Variants in DNAH8 observed in about 807,000 individuals in gnomAD.
The protein encoded by DNAH8 is dynein axonemal heavy chain 8.
Under a neutral mutation model 562.1 loss-of-function variants are expected in DNAH8, and 382 were observed. That is an observed-to-expected ratio of 0.68 (90% CI 0.63 to 0.74). The LOEUF (loss-of-function observed/expected upper bound fraction) is 0.74, where lower values mean the gene tolerates loss of function less well. Ranked by LOEUF, DNAH8 falls within the 30% of genes least tolerant of loss-of-function variation. The pLI is 0.00. For missense variants in DNAH8, 5,203 were observed against 5,620.4 expected, an observed-to-expected ratio of 0.93 and a Z score of 2.37; for synonymous variants, 1,881 against 1,919.4, an observed-to-expected ratio of 0.98 and a Z score of 0.52.
At chr6:38,990,974 C>G (rs1047364166) in intron 88 of DNAH8, among the ~76,000 whole-genome samples, 1 of 152,220 alleles carries the variant, frequency 6.6e-6, no homozygotes, top group African/African-American at 2.4e-5. Context: ...AACCAAGACT[C>G]CTCTGGCAGA....
chr6:39,024,929 T>C (rs2281341), intron 91 of DNAH8, among the ~76,000 whole-genome samples: 24,699 of 152,268 alleles, frequency 0.16, 2,111 homozygotes, highest in South Asian at 0.23. Flanking sequence ...TTTGGGTTAA[T>C]GCAAAGGCCC....
Position 38,832,864 on chromosome 6 carries a change from G to A in DNAH8, c.4302+429G>A, listed in dbSNP as rs988552097. Among the ~76,000 whole-genome samples, 13 of 151,836 alleles carry A rather than the reference G, an allele frequency of 8.6e-5. 1 individual carries two copies. Among genetic ancestry groups the A allele is most frequent in the African/African-American group, 3.1e-4 (13 of 41,322 alleles). On this transcript the variant is annotated intron_variant, in intron 31 of 92. Coordinates refer to ENST00000327475, the MANE Select transcript of DNAH8 (RefSeq NM_001206927.2). ...AAAACAGATTTTACTGTTAAAAGGA[G>A]CAACAACTTTGGAGATTGTGGAAGG...
At chr6:38,893,821 G>C (rs377209590) in intron 58 of DNAH8, among the ~76,000 whole-genome samples, 7 of 152,272 alleles carry the variant, frequency 4.6e-5, no homozygotes, top group South Asian at 4.1e-4. Context: ...TGAAATAGGC[G>C]TATGGGGTGT....
At chr6:38,725,864 GCCAA>G (rs1190665558) in intron 3 of DNAH8, among the ~76,000 whole-genome samples, 1 of 152,182 alleles carries the variant, frequency 6.6e-6, no homozygotes, top group Non-Finnish European at 1.5e-5. Context: ...TGTGGACAAT[GCCAA>G]CCAAATAGTA....
At chr6:38,780,194 C>T in intron 15 of DNAH8, 129 bp downstream of exon 15, 1 of 883,950 alleles carries the variant, frequency 1.1e-6, no homozygotes, top group South Asian at 1.7e-5. Context: ...AGCATTGACG[C>T]TCCCTTCTGT....
At chr6:38,850,155 C>T in intron 37 of DNAH8, 96 bp from the exon 38 acceptor site, 1 of 1,151,726 alleles carries the variant, frequency 8.7e-7, no homozygotes, top group Non-Finnish European at 1.2e-6. Flanking sequence ...CTAATAGAGG[C>T]TGGTTTGAAG....
At chr6:38,792,177 T>C (rs901926165) in intron 21 of DNAH8, among the ~76,000 whole-genome samples, 1 of 152,106 alleles carries the variant, frequency 6.6e-6, no homozygotes, top group Admixed American at 6.6e-5. Flanking sequence ...AACCTCTGCC[T>C]CCCGGGTTCA....
intron 92 of DNAH8, among the ~76,000 whole-genome samples, chr6:39,028,275 A>G (rs1042745785): frequency 1.3e-5 from 2 of 152,230 alleles, no homozygotes; most frequent in Non-Finnish European, 2.9e-5. Flanking sequence ...ATAACAAAGT[A>G]TCATTACCTT....
At chr6:38,775,658 G>T (rs1360782567) in intron 12 of DNAH8, 96 bp from the exon 13 acceptor site, 2 of 752,292 alleles carry the variant, frequency 2.7e-6, no homozygotes, top group East Asian at 2.7e-5. Flanking sequence ...CTGTTTAATG[G>T]TTTGTGTTTT....
intron 74 of DNAH8, 66 bp from the exon 75 acceptor site, chr6:38,929,445 C>A (rs951206032): frequency 7.1e-7 from 1 of 1,410,342 alleles, no homozygotes; most frequent in Non-Finnish European, 9.4e-7. Flanking sequence ...ACAAATCTCT[C>A]GGTTTCCCTT....
chr6:38,838,739 C>T (rs1263588859), intron 33 of DNAH8, among the ~76,000 whole-genome samples: 1 of 152,160 alleles, frequency 6.6e-6, no homozygotes, highest in Admixed American at 6.5e-5. Flanking sequence ...AATGCTCTTC[C>T]CCATTGGGTA....
rs141248253 is a variant in DNAH8 at position 39,009,394 on chromosome 6, AG to A, written c.13371+426del. 1.4e-3 allele frequency among the ~76,000 whole-genome samples: 209 copies of A among 152,224 alleles called. 1 individual carries two copies. Among genetic ancestry groups the A allele is most frequent in the African/African-American group, 4.9e-3 (202 of 41,546 alleles). ...AAGACGTTCCAAGTGTTTTAACTGT[AG>A]GTAGATGATCCACCCATCTATTCCA... On this transcript the variant is annotated intron_variant, in intron 89 of 92. Coordinates refer to ENST00000327475, the MANE Select transcript of DNAH8 (RefSeq NM_001206927.2).
At chr6:38,978,751 A>G (rs925529411) in intron 85 of DNAH8, among the ~76,000 whole-genome samples, 2 of 152,250 alleles carry the variant, frequency 1.3e-5, no homozygotes, top group African/African-American at 4.8e-5. Context: ...CTCTGACATC[A>G]TTAAAATGAT....
At chr6:38,865,863 C>T (rs1299970126) in intron 45 of DNAH8, among the ~76,000 whole-genome samples, 4 of 152,182 alleles carry the variant, frequency 2.6e-5, no homozygotes, top group Non-Finnish European at 5.9e-5. Context: ...ATTGACAGTG[C>T]CCAGTAAATG....
Position 38,723,140 on chromosome 6 carries a change from A to G in DNAH8, c.331A>G (p.Arg111Gly), listed in dbSNP as rs1485920182. 2 of 1,612,742 alleles carry G rather than the reference A, an allele frequency of 1.2e-6. No homozygotes were observed. The highest frequency in any genetic ancestry group is 1.1e-5 in the South Asian group (1 of 91,086). Reference sequence around the variant, plus strand: ...CTTGCCGTCTTCCCGGAGGTCCTCCAGATACCGCCGGAGTATGAGTGGCCT... The same window carrying G: ...CTTGCCGTCTTCCCGGAGGTCCTCCGGATACCGCCGGAGTATGAGTGGCCT... ...LSLPSSRRSS[R>G]YRRSMSGLPN... The change falls in exon 2 of 93, where the codon AGA (arginine) becomes GGA (glycine). Residue 111 changes from arginine to glycine, a missense_variant. By Grantham distance (125) the Arg-to-Gly change is moderately radical. Transcript: ENST00000327475.
At position 38,791,538 on chromosome 6, in the gene DNAH8, ATTTTTCTTC is replaced by A. The variant is rs1454636500; in HGVS notation, c.2782-16_2782-8del. ...GGAAAGAAGAGTTTTTTTTTCTTACATTTTTCTTCCTTGTAGATCAGTGACTTGTGTGAA... is the reference window on the plus strand; with the variant it reads ...GGAAAGAAGAGTTTTTTTTTCTTACACTTGTAGATCAGTGACTTGTGTGAA... On this transcript the variant is annotated splice_polypyrimidine_tract_variant and splice_region_variant and intron_variant, in intron 20 of 92. Transcript: ENST00000327475. 1 of 1,591,628 alleles carries A rather than the reference ATTTTTCTTC, an allele frequency of 6.3e-7. No individual in the cohort carries two copies. Among genetic ancestry groups the A allele is most frequent in the Non-Finnish European group, 8.5e-7 (1 of 1,173,904 alleles).
chr6:38,715,948 A>ATTTTTTTTT (rs1282494098), intron 1 of DNAH8, among the ~76,000 whole-genome samples: 1 of 28,220 alleles, frequency 3.5e-5, no homozygotes. Flanking sequence ...ATATATATAT[A>ATTTTTTTTT]TATATATATA....
At chr6:38,864,251 A>T (rs1248906620) in intron 45 of DNAH8, among the ~76,000 whole-genome samples, 191 bp downstream of exon 45, 1 of 152,202 alleles carries the variant, frequency 6.6e-6, no homozygotes, top group Non-Finnish European at 1.5e-5. Flanking sequence ...CAATTAAAAA[A>T]AATTCAGATC....
intron 31 of DNAH8, among the ~76,000 whole-genome samples, 170 bp from the exon 32 acceptor site, chr6:38,834,409 A>G (rs1291928134): frequency 6.6e-6 from 1 of 152,202 alleles, no homozygotes; most frequent in Non-Finnish European, 1.5e-5. Context: ...TGTGAATTCC[A>G]TCTCAATAAA....
Sources: gnomAD v4.1 joint callset for allele counts (sites outside exome capture counted in the v4.1 genomes callset) on GRCh38, gnomAD v4.1.1 for gene constraint, MANE v1.5 for transcripts, NCBI Gene and HGNC (gene_info 2026-07-23, HGNC 2026-07-21) for gene names.